NDST1: variants seen among roughly 807,000 people sequenced by gnomAD.
NDST1 encodes the protein N-deacetylase and N-sulfotransferase 1.
Under a neutral mutation model 92.8 loss-of-function variants are expected in NDST1, and 35 were observed. That is an observed-to-expected ratio of 0.38 (90% CI 0.29 to 0.50). NDST1 has a LOEUF of 0.50. NDST1 is among the 20% of genes least tolerant of loss of function. The probability of loss-of-function intolerance (pLI) is 0.94; values close to 1 mark genes in which losing one functional copy is unlikely to be tolerated. For synonymous variants in NDST1, 493 were observed against 500.3 expected (o/e 0.99, Z 0.19); for missense variants, 822 against 1,182.7 (o/e 0.69, Z 4.47).
At chr5:150,516,140 T>C (rs74886273) in intron 1 of NDST1, among the ~76,000 whole-genome samples, 4,736 of 152,310 alleles carry the variant, frequency 0.031, 242 homozygotes, top group African/African-American at 0.11. Context: ...TCAGACATGC[T>C]GTGAGAGGAG....
intron 1 of NDST1, among the ~76,000 whole-genome samples, chr5:150,519,598 G>T (rs1317349717): frequency 6.6e-6 from 1 of 152,098 alleles, no homozygotes; most frequent in Non-Finnish European, 1.5e-5. Flanking sequence ...TGAGGCAGGA[G>T]AATCACTTAA....
chr5:150,498,471 C>T (rs1329874513), intron 1 of NDST1, among the ~76,000 whole-genome samples: 9 of 152,146 alleles, frequency 5.9e-5, no homozygotes, highest in Non-Finnish European at 8.8e-5. Context: ...CCCCTGGCTC[C>T]GCACTCTGTG....
upstream of NDST1, among the ~76,000 whole-genome samples, chr5:150,507,204 T>C (rs1753497080): frequency 6.6e-6 from 1 of 151,858 alleles, no homozygotes. Flanking sequence ...CCACGTGGTG[T>C]GACATGAGGA....
chr5:150,544,697 C>T (rs759199878), intron 10 of NDST1, among the ~76,000 whole-genome samples: 1 of 152,168 alleles, frequency 6.6e-6, no homozygotes, highest in African/African-American at 2.4e-5. Flanking sequence ...CTTTGGTTTC[C>T]AGAGGTTCCT....
intron 1 of NDST1, among the ~76,000 whole-genome samples, chr5:150,515,456 G>A (rs1430079533): frequency 1.3e-5 from 2 of 152,246 alleles, no homozygotes; most frequent in African/African-American, 4.8e-5. Context: ...ACCGTGGAGT[G>A]GGGATGAGGC....
At chr5:150,527,270 G>C (rs563873626) in intron 2 of NDST1, among the ~76,000 whole-genome samples, 1 of 152,366 alleles carries the variant, frequency 6.6e-6, no homozygotes, top group East Asian at 1.9e-4. Flanking sequence ...GCAGGCTGAT[G>C]TGAGGACTGA....
At chr5:150,512,843 G>T (rs1319319678) in intron 1 of NDST1, among the ~76,000 whole-genome samples, 1 of 152,220 alleles carries the variant, frequency 6.6e-6, no homozygotes, top group Non-Finnish European at 1.5e-5. Context: ...TGAAACTGAG[G>T]TTCAGAGAGG....
chr5:150,546,718 C>T (rs548107505), intron 11 of NDST1, among the ~76,000 whole-genome samples: 48 of 152,370 alleles, frequency 3.2e-4, no homozygotes, highest in Non-Finnish European at 4.7e-4. Context: ...TGGGACCTTG[C>T]GGTCTCCCGC....
upstream of NDST1, among the ~76,000 whole-genome samples, chr5:150,505,603 CACTGACAACGTGGTG>C (rs1753416402): frequency 6.6e-5 from 10 of 152,232 alleles, no homozygotes; most frequent in South Asian, 2.1e-3. Flanking sequence ...GGAACGTGGT[CACTGACAACGTGGTG>C]ACTGACAGGT....
rs1754248836 is a variant in NDST1, at chr5:150,521,812, C to T, written c.513+45C>T. On this transcript the variant is annotated intron_variant, in intron 2 of 14. Transcript: ENST00000261797. The surrounding 1 kb of genome is among the most constrained non-coding windows in gnomAD (Gnocchi z 5.9). ...CCCGAGCAGTTCAGAGCCCCCTCTG[C>T]AGCTCAGTGCCTGAATTCTCATTTG... The T allele has an allele frequency of 1.2e-6, 2 of 1,605,392 alleles. No individual in the cohort carries two copies. The highest frequency in any genetic ancestry group is 2.2e-5 in the East Asian group (1 of 44,896).
Position 150,528,066 on chromosome 5 carries a change from A to G in NDST1, c.776A>G (p.His259Arg), listed in dbSNP as rs932964780. The part of the protein sequence containing the change: ...IPHLGADAGL[H>R]AALHATVVQD... ...CACCTGGGCGCAGACGCCGGCCTGCATGCTGCACTGCACGCCACTGTGGTC... is the reference window on the plus strand; with the variant it reads ...CACCTGGGCGCAGACGCCGGCCTGCGTGCTGCACTGCACGCCACTGTGGTC... Residue 259 changes from histidine (H) to arginine (R), a missense_variant, in exon 3 of 15, where the codon CAT (histidine) becomes CGT (arginine). Physicochemically the swap from His to Arg is conservative, Grantham distance 29. Transcript: ENST00000261797. The G allele has an allele frequency of 1.9e-6, 3 of 1,613,710 alleles. No individual in the cohort carries two copies. The highest frequency in any genetic ancestry group is 1.1e-5 in the South Asian group (1 of 91,048).
Position 150,528,141 on chromosome 5 carries a change from A to G in NDST1, c.851A>G (p.Asn284Ser), listed in dbSNP as rs777774950. 2.4e-5 allele frequency: 38 copies of G among 1,614,082 alleles called. No homozygotes were observed. In the African/African-American group the frequency reaches 4.7e-4, roughly 20 times the overall value. Residue 284 changes from asparagine to serine, a missense_variant, in exon 3 of 15, where the codon AAC (asparagine) becomes AGC (serine). Transcript: ENST00000261797. ...ATCCAGCGCGTGCTGTTTGGCAACA[A>G]CCTGAACTTCTGGCTGCACAAGCTT... ...DGIQRVLFGN[N>S]LNFWLHKLVF...
chr5:150,545,909 G>A (rs1755456732), intron 11 of NDST1, among the ~76,000 whole-genome samples: 1 of 151,830 alleles, frequency 6.6e-6, no homozygotes. Context: ...ACCTGACCAA[G>A]TGAGGCAGTT....
intron 1 of NDST1, among the ~76,000 whole-genome samples, chr5:150,510,516 C>G (rs1369314869): frequency 3.3e-5 from 5 of 150,730 alleles, no homozygotes; most frequent in Non-Finnish European, 7.3e-5. Flanking sequence ...ACTGTCCCGT[C>G]CTTGGGACGG....
In NDST1 at chr5:150,553,794, G is replaced by C. The variant is rs1362522703; in HGVS notation, c.*462G>C. On this transcript the variant is annotated 3_prime_UTR_variant, in exon 15 of 15. Coordinates refer to ENST00000261797, the MANE Select transcript of NDST1 (RefSeq NM_001543.5). The surrounding 1 kb of genome is among the most constrained non-coding windows in gnomAD (Gnocchi z 4.2). Reference sequence around the variant, plus strand: ...TGGACATTTCCCTGTTTCGAGCCAGGCTCTTCCAAGGGGCCAGCTGGGTCC... The same window carrying C: ...TGGACATTTCCCTGTTTCGAGCCAGCCTCTTCCAAGGGGCCAGCTGGGTCC... The C allele has an allele frequency of 2.3e-6, 1 of 442,952 alleles. No homozygotes were observed. Among genetic ancestry groups the C allele is most frequent in the African/African-American group, 2.0e-5 (1 of 51,122 alleles). 27.4% of individuals were successfully genotyped at this position (442,952 alleles called of 1,614,324 possible). A position where few individuals can be genotyped will look rare whatever the true frequency, so the allele number is the denominator to read the frequency against.
At chr5:150,541,253 A>G (rs1405298094) in intron 8 of NDST1, among the ~76,000 whole-genome samples, 3 of 152,234 alleles carry the variant, frequency 2.0e-5, no homozygotes, top group African/African-American at 7.2e-5. Flanking sequence ...TTACCAAAAG[A>G]TTAATTAAAC....
chr5:150,510,912 T>C (rs1753692263), intron 1 of NDST1, among the ~76,000 whole-genome samples: 2 of 152,090 alleles, frequency 1.3e-5, no homozygotes, highest in African/African-American at 2.4e-5. Context: ...TGAAAAGGAA[T>C]GGAGAAAGGG....
chr5:150,538,779 C>T (rs1408693379), intron 6 of NDST1, among the ~76,000 whole-genome samples: 1 of 152,166 alleles, frequency 6.6e-6, no homozygotes, highest in East Asian at 1.9e-4. Context: ...ACAAGGCAGG[C>T]CCATTCCCTG....
chr5:150,534,309 G>T (rs1242881794), intron 4 of NDST1, among the ~76,000 whole-genome samples: 1 of 151,924 alleles, frequency 6.6e-6, no homozygotes, highest in Admixed American at 6.6e-5. Context: ...GCACTATGTT[G>T]CCTAGGCTGG....
Sources: gnomAD v4.1 joint callset for allele counts (sites outside exome capture counted in the v4.1 genomes callset) on GRCh38, gnomAD v4.1.1 for gene constraint, Gnocchi (gnomAD v3.1) non-coding constraint, MANE v1.5 for transcripts, NCBI Gene and HGNC (gene_info 2026-07-23, HGNC 2026-07-21) for gene names.